The following PDXDC1 variants were observed in gnomAD, a reference collection of about 807,000 sequenced individuals.
PDXDC1 encodes pyridoxal dependent decarboxylase domain containing 1.
PDXDC1 carries 42 observed loss-of-function variants against 100.1 expected under a neutral mutation model. The observed-to-expected ratio is 0.42, with a 90% CI of 0.33 to 0.54. PDXDC1 has a LOEUF of 0.54. Ranked by LOEUF, PDXDC1 falls within the 20% of genes least tolerant of loss-of-function variation. The pLI is 0.10. For missense variants in PDXDC1, 636 were observed against 979.2 expected (o/e 0.65, Z 4.68); for synonymous variants, 260 against 371.7 (o/e 0.70, Z 3.46).
intron 16 of PDXDC1, among the ~76,000 whole-genome samples, chr16:15,106,489 C>T (rs2046803058): frequency 6.7e-6 from 1 of 149,824 alleles, no homozygotes; most frequent in Non-Finnish European, 1.5e-5. Context: ...GTCACGGTGG[C>T]TGATGCCTGT....
chr16:15,146,774 G>C, the PDXDC1 span, among the ~76,000 whole-genome samples: 2 of 152,094 alleles, frequency 1.3e-5, no homozygotes, highest in African/African-American at 2.4e-5. Context: ...CAGGGGAATG[G>C]GCCCCCGGAA....
intron 16 of PDXDC1, among the ~76,000 whole-genome samples, chr16:15,057,780 T>C (rs574363749): frequency 1.4e-3 from 206 of 152,306 alleles, no homozygotes; most frequent in African/African-American, 4.7e-3. Flanking sequence ...AGTGAGGCAT[T>C]TGGAAGTGCA....
At chr16:15,098,398 T>G (rs1268132565) in intron 16 of PDXDC1, among the ~76,000 whole-genome samples, 1 of 150,056 alleles carries the variant, frequency 6.7e-6, no homozygotes, top group East Asian at 2.0e-4. Context: ...ATGGGGTTTC[T>G]CCATGTTGCC....
intron 16 of PDXDC1, among the ~76,000 whole-genome samples, chr16:15,090,145 G>A (rs558059758): frequency 6.6e-6 from 1 of 152,044 alleles, no homozygotes; most frequent in East Asian, 1.9e-4. Context: ...AGGAGGCAAA[G>A]GTTGCAGTGA....
In PDXDC1 at chr16:14,975,088, C is replaced by A. The variant is rs533179358; in HGVS notation, c.-112C>A. 44 of 1,471,188 alleles carry A rather than the reference C, an allele frequency of 3.0e-5. No homozygotes were observed. The highest frequency in any genetic ancestry group is 3.8e-5 in the Non-Finnish European group (43 of 1,122,716). 91.1% of individuals were successfully genotyped at this position (1,471,188 alleles called of 1,614,324 possible). A position where few individuals can be genotyped will look rare whatever the true frequency, so the allele number is the denominator to read the frequency against. On this transcript the variant is annotated 5_prime_UTR_variant, in exon 1 of 23. Coordinates refer to ENST00000396410, the MANE Select transcript of PDXDC1 (RefSeq NM_015027.4). ...TGGCAGCTCCTCCTCTTCTCCGCCC[C>A]GCCGGCCGCGGGCGCGGGGGACGTC...
downstream of PDXDC1, chr16:15,040,233 A>G: frequency 2.3e-6 from 1 of 433,122 alleles, no homozygotes; most frequent in South Asian, 6.0e-5. Flanking sequence ...TGCAACCTTT[A>G]CCCCAAGCAT....
At chr16:15,097,955 T>C (rs1053110827) in intron 16 of PDXDC1, among the ~76,000 whole-genome samples, 1 of 144,930 alleles carries the variant, frequency 6.9e-6, no homozygotes, top group African/African-American at 2.5e-5. Context: ...TTTTTTTTTT[T>C]TTTTGAGACG....
Position 15,106,580 on chromosome 16 carries a change from C to G in PDXDC1, c.1400-32299C>G, listed in dbSNP as rs576295880. ...ACCATCCTGGCTAATACAGTGAAAC[C>G]CTGTCTCTACTAAAAATACAAAAAA... On this transcript the variant is annotated intron_variant, in intron 16 of 16. Transcript: ENST00000535621. Among the ~76,000 whole-genome samples, 24 of 150,016 alleles carry G rather than the reference C, an allele frequency of 1.6e-4. 3 individuals carry two copies. The South Asian group carries it at 2.6e-3, about 16-fold the overall frequency.
intron 16 of PDXDC1, among the ~76,000 whole-genome samples, chr16:15,063,950 A>G (rs1448699152): frequency 6.6e-6 from 1 of 152,110 alleles, no homozygotes; most frequent in Non-Finnish European, 1.5e-5. Flanking sequence ...TCTCTTTTTT[A>G]TATTTCTGTA....
intron 1 of PDXDC1, among the ~76,000 whole-genome samples, chr16:14,992,437 G>C (rs1971059380): frequency 6.6e-6 from 1 of 152,288 alleles, no homozygotes; most frequent in Non-Finnish European, 1.5e-5. Flanking sequence ...GGACACACGG[G>C]AGTGTCACAG....
downstream of PDXDC1, chr16:15,039,989 G>T: frequency 6.2e-7 from 1 of 1,604,768 alleles, no homozygotes; most frequent in Non-Finnish European, 8.5e-7. Context: ...GCTAAAGTTC[G>T]CGCAGCACGA....
intron 16 of PDXDC1, chr16:15,133,678 G>A (rs1369117047): frequency 6.9e-6 from 11 of 1,585,658 alleles, no homozygotes; most frequent in South Asian, 4.5e-5. Context: ...CCAGCGGGGC[G>A]CCAGCATCCT....
chr16:15,126,004 G>C (rs2047698830), intron 16 of PDXDC1: 10 of 597,536 alleles, frequency 1.7e-5, no homozygotes, highest in African/African-American at 7.4e-5. Flanking sequence ...CTTGACAGCA[G>C]ACTGGTGCAG....
chr16:15,095,861 G>GGTTT (rs2046337561), intron 16 of PDXDC1, among the ~76,000 whole-genome samples: 1 of 134,358 alleles, frequency 7.4e-6, no homozygotes, highest in Admixed American at 7.6e-5. Flanking sequence ...AAAAAAAAAA[G>GGTTT]GTGTGTGTGT....
In PDXDC1 at chr16:15,125,804, C is replaced by A. The variant is rs778233660; in HGVS notation, c.1400-13075C>A. On this transcript the variant is annotated intron_variant, in intron 16 of 16. Transcript: ENST00000535621. Reference sequence around the variant, plus strand: ...GCAGGTGTGGGGCTCGGGCTCCCAGCCACCTGCAGGACGACAGCAGTGGTC... The same window carrying A: ...GCAGGTGTGGGGCTCGGGCTCCCAGACACCTGCAGGACGACAGCAGTGGTC... 3.1e-4 allele frequency: 399 copies of A among 1,283,286 alleles called. 2 individuals are homozygous for A. Among genetic ancestry groups the A allele is most frequent in the Non-Finnish European group, 4.0e-4 (360 of 894,882 alleles). 79.5% of individuals were successfully genotyped at this position (1,283,286 alleles called of 1,614,324 possible).
chr16:14,976,710 C>G (rs1428786369), intron 1 of PDXDC1: 2 of 152,414 alleles, frequency 1.3e-5, no homozygotes, highest in East Asian at 3.9e-4. Context: ...GAGGTGCTGC[C>G]GGTACCTAGT....
chr16:14,976,829 T>G (rs1966858233), intron 1 of PDXDC1: 1 of 152,532 alleles, frequency 6.6e-6, no homozygotes, highest in African/African-American at 2.4e-5. Context: ...TGAGAAATCC[T>G]GGTCAAGATC....
At chr16:15,088,091 G>A (rs1228570437) in intron 16 of PDXDC1, among the ~76,000 whole-genome samples, 2 of 151,942 alleles carry the variant, frequency 1.3e-5, no homozygotes, top group Non-Finnish European at 2.9e-5. Flanking sequence ...ACTCCAGCCT[G>A]GGCAACAAGA....
intron 16 of PDXDC1, chr16:15,085,583 G>A (rs2045884262): frequency 6.3e-7 from 1 of 1,592,372 alleles, no homozygotes; most frequent in African/African-American, 1.3e-5. Context: ...TTCCCAAAGT[G>A]CTGGGATTAT....
Sources: gnomAD v4.1 joint callset for allele counts (sites outside exome capture counted in the v4.1 genomes callset) on GRCh38, gnomAD v4.1.1 for gene constraint, MANE v1.5 for transcripts, NCBI Gene and HGNC (gene_info 2026-07-23, HGNC 2026-07-21) for gene names.